Variants in COL4A6 observed in about 807,000 individuals in gnomAD.
COL4A6 encodes collagen alpha-6(IV) chain.
Under a neutral mutation model 126.7 loss-of-function variants are expected in COL4A6, and 59 were observed. That is an observed-to-expected ratio of 0.47 (90% CI 0.38 to 0.58). The LOEUF (loss-of-function observed/expected upper bound fraction) is 0.58, where lower values mean the gene tolerates loss of function less well. Ranked by LOEUF, COL4A6 falls within the 20% of genes least tolerant of loss-of-function variation. The probability of loss-of-function intolerance (pLI) is 0.00; values close to 1 mark genes in which losing one functional copy is unlikely to be tolerated. For missense variants in COL4A6, 1,285 were observed against 1,337.3 expected, an observed-to-expected ratio of 0.96 and a Z score of 0.61; for synonymous variants, 547 against 496.6, an observed-to-expected ratio of 1.10 and a Z score of -1.35.
intron 6 of COL4A6, among the ~76,000 whole-genome samples, chrX:108,213,260 A>G (rs999516186): frequency 5.3e-5 from 6 of 112,539 alleles, no homozygotes; most frequent in Middle Eastern, 4.6e-3. Flanking sequence ...TAAATATCTC[A>G]GATCAGTGCC....
Position 108,169,817 on chromosome X carries a change from G to C in COL4A6, c.3565+128C>G. The C allele has an allele frequency of 6.1e-6, 5 of 824,487 alleles. 1 individual carries two copies. In the South Asian group the frequency reaches 1.2e-4, roughly 20 times the overall value. 67.9% of individuals were successfully genotyped at this position (824,487 alleles called of 1,213,427 possible). A position where few individuals can be genotyped will look rare whatever the true frequency, so the allele number is the denominator to read the frequency against. On this transcript the variant is annotated intron_variant, in intron 36 of 44. Coordinates refer to ENST00000334504, the MANE Select transcript of COL4A6 (RefSeq NM_033641.4). ...TCTCCATATCAAGGGACCTCAAATT[G>C]GAGGTTAATAAGGAGAGCTATGAGT...
chrX:108,384,890 A>G (rs1417462560), intron 2 of COL4A6, among the ~76,000 whole-genome samples: 1 of 110,944 alleles, frequency 9.0e-6, no homozygotes, highest in African/African-American at 3.3e-5. Context: ...CCCCTGCTTG[A>G]CTTAACTTTG....
intron 3 of COL4A6, among the ~76,000 whole-genome samples, chrX:108,293,213 C>T (rs2038223989): frequency 9.0e-6 from 1 of 110,703 alleles, no homozygotes; most frequent in South Asian, 3.9e-4. Context: ...TGAATCTCAG[C>T]TTCACAACTT....
chrX:108,298,337 G>A lies in COL4A6; in HGVS notation c.144+12411C>T, dbSNP rs1012865682. Among the ~76,000 whole-genome samples the A allele has an allele frequency of 8.9e-5, 10 of 112,990 alleles. 1 individual carries two copies. The highest frequency in any genetic ancestry group is 4.6e-3 in the Middle Eastern group (1 of 218). ...GCCGAAGGCCACTCTGGCTCTGGCC[G>A]TGGCCTGGCTTGGTGGGGCGGCGGG... On this transcript the variant is annotated intron_variant, in intron 3 of 44. Transcript: ENST00000334504.
intron 3 of COL4A6, among the ~76,000 whole-genome samples, chrX:108,293,335 C>T (rs2038227838): frequency 9.0e-6 from 1 of 111,391 alleles, no homozygotes; most frequent in Non-Finnish European, 1.9e-5. Context: ...TAATAAAGCC[C>T]TTAGCAAAGT....
At chrX:108,163,165 G>T in intron 40 of COL4A6, 127 bp from the exon 41 acceptor site, 1 of 567,338 alleles carries the variant, frequency 1.8e-6, no homozygotes, top group Non-Finnish European at 2.8e-6. Flanking sequence ...CAGGATACCC[G>T]GGTATCTCCA....
intron 2 of COL4A6, among the ~76,000 whole-genome samples, chrX:108,358,542 G>A (rs1190875403): frequency 9.1e-6 from 1 of 110,129 alleles, no homozygotes; most frequent in African/African-American, 3.3e-5. Context: ...CCACAGGCGT[G>A]AGCCACTGCA....
chrX:108,225,097 C>A (rs1375594406), intron 3 of COL4A6, among the ~76,000 whole-genome samples: 1 of 110,825 alleles, frequency 9.0e-6, no homozygotes, highest in East Asian at 2.9e-4. Context: ...TTGTTTAGGT[C>A]ACGTAGCTAG....
intron 3 of COL4A6, among the ~76,000 whole-genome samples, chrX:108,275,085 T>A (rs1489305174): frequency 9.0e-6 from 1 of 111,450 alleles, no homozygotes; most frequent in African/African-American, 3.3e-5. Flanking sequence ...TACATTAGGA[T>A]GTTAACACTA....
chrX:108,409,886 C>T (rs1464168213), intron 2 of COL4A6, among the ~76,000 whole-genome samples: 2 of 111,334 alleles, frequency 1.8e-5, no homozygotes, highest in Non-Finnish European at 3.8e-5. Context: ...CAATGTCTTC[C>T]CTAAGCTGGG....
intron 3 of COL4A6, among the ~76,000 whole-genome samples, chrX:108,282,864 G>T (rs2037883244): frequency 9.2e-6 from 1 of 108,873 alleles, no homozygotes; most frequent in Non-Finnish European, 1.9e-5. Context: ...GGATGAAATT[G>T]GAAATTGTTA....
intron 3 of COL4A6, among the ~76,000 whole-genome samples, chrX:108,229,836 C>T (rs1020127902): frequency 1.8e-5 from 2 of 111,511 alleles, no homozygotes; most frequent in African/African-American, 6.5e-5. Context: ...ACAGGGAACC[C>T]CATGAGGGGT....
chrX:108,186,589 A>G (rs973255586), intron 23 of COL4A6, among the ~76,000 whole-genome samples: 5 of 111,856 alleles, frequency 4.5e-5, no homozygotes, highest in Non-Finnish European at 1.9e-5. Context: ...CAAGTAGAAA[A>G]AGAAGTTATA....
chrX:108,373,875 T>G (rs2040379724), intron 2 of COL4A6, among the ~76,000 whole-genome samples: 1 of 112,560 alleles, frequency 8.9e-6, no homozygotes, highest in Non-Finnish European at 1.9e-5. Context: ...TATTCATTTG[T>G]GTCCCCCAAA....
rs1035754162 is a variant in COL4A6 at position 108,160,325 on chromosome X, A to C, written c.4525+138T>G. On this transcript the variant is annotated intron_variant, in intron 43 of 44. Coordinates refer to ENST00000334504, the MANE Select transcript of COL4A6 (RefSeq NM_033641.4). The stretch of plus-strand genomic sequence containing the variant: ...TGATAGAGCCAGGATTTGAATCCAG[A>C]TCCACCTGACTCCAGAGCTGATGCT... 6.8e-6 allele frequency: 4 copies of C among 591,049 alleles called. No individual in the cohort carries two copies. In the African/African-American group the frequency reaches 9.1e-5, roughly 13 times the overall value. The allele number at this position is 591,049 out of a possible 1,213,427, so 48.7% of individuals were successfully genotyped here.
chrX:108,209,087 T>C (rs1048569839), intron 8 of COL4A6, among the ~76,000 whole-genome samples: 2 of 112,230 alleles, frequency 1.8e-5, no homozygotes, highest in African/African-American at 3.2e-5. Flanking sequence ...AGGGAATATG[T>C]ATGGCCTTGG....
intron 2 of COL4A6, among the ~76,000 whole-genome samples, chrX:108,405,375 G>A (rs945984513): frequency 2.8e-5 from 3 of 108,665 alleles, no homozygotes; most frequent in Non-Finnish European, 5.7e-5. Flanking sequence ...AGTAGAGATG[G>A]GTTTTCACCG....
intron 3 of COL4A6, among the ~76,000 whole-genome samples, chrX:108,301,777 G>A (rs2038497480): frequency 1.8e-5 from 2 of 110,986 alleles, no homozygotes; most frequent in South Asian, 3.8e-4. Flanking sequence ...TGTAACCTAC[G>A]ATGTACCTCT....
chrX:108,186,297 C>A (rs1303179203), intron 23 of COL4A6, among the ~76,000 whole-genome samples: 1 of 111,622 alleles, frequency 9.0e-6, no homozygotes. Flanking sequence ...CTTACTCCAA[C>A]AAGCATATAG....
Sources: allele counts gnomAD v4.1 joint callset (sites outside exome capture counted in the v4.1 genomes callset), GRCh38; gene constraint gnomAD v4.1.1; transcripts MANE v1.5; gene names NCBI Gene and HGNC (gene_info 2026-07-23, HGNC 2026-07-21).